The following USO1 variants were observed in gnomAD, a reference collection of about 807,000 sequenced individuals.
The protein encoded by USO1 is general vesicular transport factor p115.
USO1 carries 57 observed loss-of-function variants against 124.5 expected under a neutral mutation model. The ratio of observed to expected loss-of-function variants is 0.46; its 90% CI spans 0.37 to 0.57. The LOEUF (loss-of-function observed/expected upper bound fraction) is 0.57, where lower values mean the gene tolerates loss of function less well. Ranked by LOEUF, USO1 falls within the 20% of genes least tolerant of loss-of-function variation. The probability of loss-of-function intolerance (pLI) is 0.00; values close to 1 mark genes in which losing one functional copy is unlikely to be tolerated. For synonymous variants in USO1, 369 were observed against 362.8 expected (o/e 1.02, Z -0.19); for missense variants, 900 against 1,040.6 (o/e 0.86, Z 1.86).
chr4:75,804,831 T>C (rs1256026253), intron 18 of USO1, among the ~76,000 whole-genome samples: 1 of 152,212 alleles, frequency 6.6e-6, no homozygotes, highest in Non-Finnish European at 1.5e-5. Context: ...CTTGTGAAGA[T>C]TTTTTAAAAG....
intron 23 of USO1, among the ~76,000 whole-genome samples, chr4:75,812,990 G>A (rs984627614): frequency 2.6e-5 from 4 of 152,026 alleles, no homozygotes; most frequent in Non-Finnish European, 5.9e-5. Context: ...GCAGGCACCT[G>A]TAATCCCAGC....
chr4:75,810,323 G>A lies in USO1; in HGVS notation c.2476-109G>A, dbSNP rs553591171. On this transcript the variant is annotated intron_variant, in intron 21 of 23. Coordinates refer to ENST00000514213, the MANE Select transcript of USO1 (RefSeq NM_003715.4). ...AAATACATAAGGAATTATATTTTCTGTTAGTGAAAGTAAAATATCAAAATG... is the reference window on the plus strand; with the variant it reads ...AAATACATAAGGAATTATATTTTCTATTAGTGAAAGTAAAATATCAAAATG... 2.1e-4 allele frequency: 248 copies of A among 1,206,118 alleles called. 1 individual carries two copies. The African/African-American group carries it at 3.6e-3, about 17-fold the overall frequency. The allele number at this position is 1,206,118 out of a possible 1,614,324, so 74.7% of individuals were successfully genotyped here.
At chr4:75,753,877 G>A (rs1553898187) in intron 3 of USO1, among the ~76,000 whole-genome samples, 7 of 146,676 alleles carry the variant, frequency 4.8e-5, no homozygotes, top group African/African-American at 1.5e-4. Context: ...TCCGCCTCCC[G>A]AGTTTATGCC....
At chr4:75,799,936 A>G (rs1489201806) in intron 14 of USO1, among the ~76,000 whole-genome samples, 1 of 151,198 alleles carries the variant, frequency 6.6e-6, no homozygotes, top group Non-Finnish European at 1.5e-5. Context: ...TGGAATATAT[A>G]TATGAAATTT....
At chr4:75,743,688 A>C (rs554576971) in intron 1 of USO1, among the ~76,000 whole-genome samples, 1 of 152,210 alleles carries the variant, frequency 6.6e-6, no homozygotes, top group South Asian at 2.1e-4. Context: ...TTGATTTTTT[A>C]GTTTGTTTTT....
In USO1 at chr4:75,770,507, G is replaced by C. The variant is rs754309142; in HGVS notation, c.364G>C (p.Glu122Gln). The C allele has an allele frequency of 3.8e-6, 6 of 1,594,666 alleles. No homozygotes were observed. Among genetic ancestry groups the C allele is most frequent in the Non-Finnish European group, 5.1e-6 (6 of 1,169,664 alleles). The change falls in exon 5 of 24, where the codon GAA (glutamate) becomes CAA (glutamine). Residue 122 changes from glutamate to glutamine, a missense_variant. This residue lies in a region of USO1 where 538 missense variants were observed against 681.6 expected (regional missense o/e 0.79). Transcript: ENST00000514213. ...TACAGAAATTTTCATTAAGCAGCAG[G>C]AAAATGTCACTCTTCTGTTATCTTT... The part of the protein sequence containing the change: ...QFTEIFIKQQ[E>Q]NVTLLLSLLE...
chr4:75,729,553 C>G (rs528085716), intron 1 of USO1, among the ~76,000 whole-genome samples: 1 of 152,226 alleles, frequency 6.6e-6, no homozygotes, highest in South Asian at 2.1e-4. Context: ...GATGCCCAGG[C>G]TGGTCTTGAA....
chr4:75,771,809 A>G (rs188928012), intron 7 of USO1, among the ~76,000 whole-genome samples: 199 of 152,314 alleles, frequency 1.3e-3, no homozygotes, highest in Non-Finnish European at 2.4e-3. Context: ...ATTTTGTTGC[A>G]TAAGCATTTT....
chr4:75,732,480 A>G (rs1577922096), intron 1 of USO1, among the ~76,000 whole-genome samples: 2 of 152,184 alleles, frequency 1.3e-5, no homozygotes, highest in South Asian at 4.1e-4. Flanking sequence ...GCAAGTGCAT[A>G]TGGCTTTTTG....
intron 13 of USO1, among the ~76,000 whole-genome samples, chr4:75,797,498 G>T (rs1577968817): frequency 2.5e-5 from 3 of 120,102 alleles, no homozygotes; most frequent in African/African-American, 3.2e-5. Flanking sequence ...TTTTTACAGT[G>T]TCCCTAGTTA....
At chr4:75,788,425 C>T (rs962654534) in intron 10 of USO1, among the ~76,000 whole-genome samples, 1 of 151,906 alleles carries the variant, frequency 6.6e-6, no homozygotes, top group African/African-American at 2.4e-5. Flanking sequence ...ATCTTGGCCT[C>T]CCGAAATGTT....
At chr4:75,747,300 A>G (rs2149149527) in intron 1 of USO1, among the ~76,000 whole-genome samples, 2 of 152,286 alleles carry the variant, frequency 1.3e-5, no homozygotes, top group Admixed American at 1.3e-4. Flanking sequence ...ATTTTGAGGC[A>G]GGGTCTTGCT....
intron 12 of USO1, 111 bp downstream of exon 12, chr4:75,790,908 A>AGT: frequency 8.0e-7 from 1 of 1,244,512 alleles, no homozygotes; most frequent in Non-Finnish European, 1.0e-6. Flanking sequence ...CATGCTTAGG[A>AGT]GAGAAAAAAA....
chr4:75,767,849 A>C (rs2149165590), intron 4 of USO1, among the ~76,000 whole-genome samples: 1 of 152,312 alleles, frequency 6.6e-6, no homozygotes, highest in Non-Finnish European at 1.5e-5. Context: ...TGCATTTGCA[A>C]ACCAATTTTA....
At chr4:75,773,454 T>C (rs1430776985) in intron 7 of USO1, among the ~76,000 whole-genome samples, 1 of 152,202 alleles carries the variant, frequency 6.6e-6, no homozygotes, top group East Asian at 1.9e-4. Flanking sequence ...GACAAAGATA[T>C]TACATGAGTA....
intron 1 of USO1, among the ~76,000 whole-genome samples, chr4:75,751,497 C>G (rs1721296369): frequency 2.7e-5 from 4 of 145,778 alleles, no homozygotes; most frequent in Admixed American, 2.0e-4. Flanking sequence ...CAGGCATGAG[C>G]CACTGAGCCC....
intron 1 of USO1, among the ~76,000 whole-genome samples, chr4:75,742,484 G>C (rs1289272586): frequency 1.3e-5 from 2 of 152,096 alleles, no homozygotes; most frequent in Non-Finnish European, 2.9e-5. Context: ...ATAGGCTGAG[G>C]CATTTGTTTC....
At chr4:75,796,188 G>A (rs1722672525) in intron 13 of USO1, among the ~76,000 whole-genome samples, 5 of 151,902 alleles carry the variant, frequency 3.3e-5, no homozygotes, top group Admixed American at 3.3e-4. Context: ...ATTTGAAAGG[G>A]AATTTTTTTT....
chr4:75,765,374 G>T (rs948139731), intron 4 of USO1, among the ~76,000 whole-genome samples: 1 of 152,022 alleles, frequency 6.6e-6, no homozygotes, highest in Non-Finnish European at 1.5e-5. Flanking sequence ...TAGGGTTCTG[G>T]GGTGGCTTAA....
Sources: allele counts gnomAD v4.1 joint callset (sites outside exome capture counted in the v4.1 genomes callset), GRCh38; gene constraint gnomAD v4.1.1; regional missense constraint gnomAD v4.1.1; transcripts MANE v1.5; gene names NCBI Gene and HGNC (gene_info 2026-07-23, HGNC 2026-07-21).